Variants in PDE4D observed in about 807,000 individuals in gnomAD.
PDE4D encodes the protein phosphodiesterase 4D.
Under a neutral mutation model 87.4 loss-of-function variants are expected in PDE4D, and 24 were observed. That is an observed-to-expected ratio of 0.27 (90% CI 0.20 to 0.39). The LOEUF is 0.39. Ranked by LOEUF, PDE4D falls within the 10% of genes least tolerant of loss-of-function variation. The pLI is 1.00. For missense variants in PDE4D, 714 were observed against 1,041.0 expected (o/e 0.69, Z 4.32); for synonymous variants, 384 against 383.2 (o/e 1.00, Z -0.02).
At chr5:59,250,137 T>C (rs1441270124) in intron 1 of PDE4D, among the ~76,000 whole-genome samples, 3 of 152,030 alleles carry the variant, frequency 2.0e-5, no homozygotes, top group Non-Finnish European at 4.4e-5. Flanking sequence ...CCACCATGCC[T>C]GGCCTCTTGC....
chr5:59,413,457 C>CAAAAAAAAAAAAAAAAAAAAAAAAAAA (rs34074485), intron 1 of PDE4D, among the ~76,000 whole-genome samples: 8 of 54,422 alleles, frequency 1.5e-4, no homozygotes, highest in African/African-American at 5.8e-4. Flanking sequence ...GACTCCATCT[C>CAAAAAAAAAAAAAAAAAAAAAAAAAAA]AAAAAAAAAA....
chr5:60,340,150 G>A (rs1583467725), intron 1 of PDE4D, among the ~76,000 whole-genome samples: 1 of 151,648 alleles, frequency 6.6e-6, no homozygotes, highest in East Asian at 1.9e-4. Context: ...ACAGGGATCC[G>A]GGCCCACGGC....
At chr5:60,500,048 C>T (rs1057223299) in intron 1 of PDE4D, among the ~76,000 whole-genome samples, 4 of 152,160 alleles carry the variant, frequency 2.6e-5, no homozygotes, top group Non-Finnish European at 5.9e-5. Context: ...GTGGCTCATA[C>T]CTCTAATCCC....
At chr5:60,032,907 G>C (rs1440028431) in intron 2 of PDE4D, 2 of 152,158 alleles carry the variant, frequency 1.3e-5, no homozygotes, top group African/African-American at 4.8e-5. Flanking sequence ...AAGAACTGCA[G>C]TTCTTCTTGC....
At chr5:60,434,497 TTACTC>T (rs1744610467) in intron 1 of PDE4D, among the ~76,000 whole-genome samples, 1 of 152,078 alleles carries the variant, frequency 6.6e-6, no homozygotes, top group Non-Finnish European at 1.5e-5. Flanking sequence ...ATTGTATAGA[TTACTC>T]TAATTTTAAA....
chr5:59,724,695 A>G (rs778128214), intron 1 of PDE4D, among the ~76,000 whole-genome samples: 43 of 152,172 alleles, frequency 2.8e-4, no homozygotes, highest in Non-Finnish European at 5.0e-4. Context: ...TGAGTGCACC[A>G]CCAGGTGGTG....
intron 1 of PDE4D, among the ~76,000 whole-genome samples, chr5:59,379,006 T>G (rs1050199749): frequency 3.3e-5 from 5 of 151,788 alleles, no homozygotes; most frequent in Admixed American, 3.3e-4. Context: ...GTGTGTGTGA[T>G]GTGTCCTGCT....
intron 1 of PDE4D, among the ~76,000 whole-genome samples, chr5:59,393,259 A>G (rs1788601643): frequency 6.6e-6 from 1 of 152,310 alleles, no homozygotes; most frequent in African/African-American, 2.4e-5. Context: ...TTTGAGATCA[A>G]TGCCAGAGAT....
chr5:59,977,481 A>T (rs1761461828), intron 3 of PDE4D, among the ~76,000 whole-genome samples: 4 of 152,190 alleles, frequency 2.6e-5, no homozygotes, highest in Admixed American at 2.6e-4. Context: ...ATGTTTAAAG[A>T]AAAGAAGCCA....
At chr5:59,210,516 T>C (rs1749842301) in intron 2 of PDE4D, among the ~76,000 whole-genome samples, 2 of 152,210 alleles carry the variant, frequency 1.3e-5, no homozygotes, top group Non-Finnish European at 2.9e-5. Flanking sequence ...TATTATCTAC[T>C]AGCTGAGAAA....
chr5:59,623,777 T>C (rs1830593371), intron 1 of PDE4D, among the ~76,000 whole-genome samples: 1 of 152,238 alleles, frequency 6.6e-6, no homozygotes, highest in Non-Finnish European at 1.5e-5. Flanking sequence ...TAAGGAGGGT[T>C]CAATGTTTCT....
At chr5:59,648,715 A>C (rs1276150759) in intron 1 of PDE4D, among the ~76,000 whole-genome samples, 4 of 93,202 alleles carry the variant, frequency 4.3e-5, no homozygotes, top group African/African-American at 1.4e-4. Flanking sequence ...TTAGGCATCT[A>C]ACCTCAAAAA....
rs141598619 is a variant in PDE4D, at chr5:59,013,879, T to C, written c.922-20414A>G. On this transcript the variant is annotated intron_variant, in intron 6 of 14. Coordinates refer to ENST00000340635, the MANE Select transcript of PDE4D (RefSeq NM_001104631.2). ...TTTAGACCAACATCCATGATGAACA[T>C]CGATGCAAAAATCCTTAATAAAATA... 3.0e-3 allele frequency among the ~76,000 whole-genome samples: 456 copies of C among 152,258 alleles called. 3 individuals carry two copies. The highest frequency in any genetic ancestry group is 0.01 in the African/African-American group (436 of 41,558).
intron 1 of PDE4D, among the ~76,000 whole-genome samples, chr5:59,325,649 T>C (rs1046010019): frequency 6.6e-6 from 1 of 152,196 alleles, no homozygotes; most frequent in Non-Finnish European, 1.5e-5. Flanking sequence ...ATTGTATACT[T>C]ATAGTTACTT....
At chr5:60,086,530 A>G (rs1046829391) in intron 2 of PDE4D, among the ~76,000 whole-genome samples, 9 of 152,252 alleles carry the variant, frequency 5.9e-5, no homozygotes, top group Admixed American at 5.9e-4. Flanking sequence ...AGCATTTACT[A>G]AAAGCTTTAG....
intron 2 of PDE4D, among the ~76,000 whole-genome samples, chr5:60,003,707 T>TAAA (rs35100447): frequency 1.2e-4 from 13 of 104,218 alleles, no homozygotes; most frequent in Admixed American, 2.2e-4. Flanking sequence ...AGACTCCATC[T>TAAA]AAAAAAAAAA....
Position 58,971,773 on chromosome 5 carries a change from G to C in PDE4D, c.*2891C>G, listed in dbSNP as rs1374061115. The C allele has an allele frequency of 6.6e-6, 1 of 152,526 alleles. No homozygotes were observed. The highest frequency in any genetic ancestry group is 1.9e-4 in the East Asian group (1 of 5,194). The allele number at this position is 152,526 out of a possible 1,614,324, so 9.4% of individuals were successfully genotyped here. A position where few individuals can be genotyped will look rare whatever the true frequency, so the allele number is the denominator to read the frequency against. ...TTTCCCCATACAGTACCCAGATATTGCATTTTCTTATGGCATTTTAGGAAA... is the reference window on the plus strand; with the variant it reads ...TTTCCCCATACAGTACCCAGATATTCCATTTTCTTATGGCATTTTAGGAAA... On this transcript the variant is annotated 3_prime_UTR_variant, in exon 15 of 15. Transcript: ENST00000340635.
At chr5:59,874,630 G>A (rs1748293075) in intron 1 of PDE4D, among the ~76,000 whole-genome samples, 1 of 151,998 alleles carries the variant, frequency 6.6e-6, no homozygotes, top group African/African-American at 2.4e-5. Flanking sequence ...ATGTAAAAAA[G>A]AACCAGCAAT....
intron 1 of PDE4D, among the ~76,000 whole-genome samples, chr5:60,247,162 A>T (rs1218673646): frequency 6.6e-6 from 1 of 151,932 alleles, no homozygotes; most frequent in African/African-American, 2.4e-5. Flanking sequence ...AACCCACAGA[A>T]CCTCAATTTT....
Sources: allele counts gnomAD v4.1 joint callset (sites outside exome capture counted in the v4.1 genomes callset), GRCh38; gene constraint gnomAD v4.1.1; transcripts MANE v1.5; gene names NCBI Gene and HGNC (gene_info 2026-07-23, HGNC 2026-07-21).